The following MLLT3 variants were observed in gnomAD, a reference collection of about 807,000 sequenced individuals.
The protein encoded by MLLT3 is MLLT3 super elongation complex subunit.
Under a neutral mutation model 53.2 loss-of-function variants are expected in MLLT3, and 4 were observed. The observed-to-expected ratio is 0.08, with a 90% CI of 0.04 to 0.17. The LOEUF (loss-of-function observed/expected upper bound fraction) is 0.17, where lower values mean the gene tolerates loss of function less well. Among genes scored for constraint, MLLT3 ranks in the 10% least tolerant of loss-of-function variants. MLLT3 has a pLI of 1.00. For missense variants in MLLT3, 569 were observed against 684.0 expected, an observed-to-expected ratio of 0.83 and a Z score of 1.87; for synonymous variants, 283 against 230.6, an observed-to-expected ratio of 1.23 and a Z score of -2.06.
chr9:20,381,054 T>C (rs1308514424), intron 5 of MLLT3, among the ~76,000 whole-genome samples: 1 of 151,948 alleles, frequency 6.6e-6, no homozygotes, highest in Non-Finnish European at 1.5e-5. Flanking sequence ...ATACTAAATA[T>C]GACTCTTCCT....
intron 8 of MLLT3, among the ~76,000 whole-genome samples, chr9:20,357,333 G>GA (rs1445661160): frequency 6.6e-6 from 1 of 152,112 alleles, no homozygotes; most frequent in African/African-American, 2.4e-5. Flanking sequence ...GGTTTGGAGT[G>GA]AAAAAACCAT....
chr9:20,560,690 C>T (rs897369257), intron 2 of MLLT3, among the ~76,000 whole-genome samples: 3 of 152,110 alleles, frequency 2.0e-5, no homozygotes, highest in African/African-American at 7.2e-5. Context: ...GGGCGGGGAG[C>T]ATTGTGGGCT....
intron 2 of MLLT3, among the ~76,000 whole-genome samples, chr9:20,470,163 A>G (rs1257198098): frequency 6.6e-6 from 1 of 151,972 alleles, no homozygotes; most frequent in African/African-American, 2.4e-5. Flanking sequence ...AGATGAACAT[A>G]TACTTCTCAC....
intron 8 of MLLT3, 92 bp downstream of exon 8, chr9:20,360,650 T>A: frequency 9.2e-7 from 1 of 1,082,608 alleles, no homozygotes; most frequent in African/African-American, 1.6e-5. Context: ...GGAAGTTTGT[T>A]TAAAATTCAG....
At position 20,620,924 on chromosome 9, in the gene MLLT3, C is replaced by A. The variant is rs1437227491; in HGVS notation, c.13-90G>T. On this transcript the variant is annotated intron_variant, in intron 1 of 10. Transcript: ENST00000380338. This position sits in a 1 kb window ranked among gnomAD's most constrained non-coding sequence, Gnocchi z 6.1. ...TGCGCCTGACATTTTTTTCCTCCTT[C>A]TTGAAACGCACATAAAAGGAAACGG... The A allele has an allele frequency of 2.8e-6, 4 of 1,410,840 alleles. No homozygotes were observed. The African/African-American group carries it at 4.2e-5, about 15-fold the overall frequency. 87.4% of individuals were successfully genotyped at this position (1,410,840 alleles called of 1,614,324 possible). A position where few individuals can be genotyped will look rare whatever the true frequency, so the allele number is the denominator to read the frequency against.
At chr9:20,593,409 G>C (rs1820176218) in intron 2 of MLLT3, among the ~76,000 whole-genome samples, 1 of 152,178 alleles carries the variant, frequency 6.6e-6, no homozygotes, top group African/African-American at 2.4e-5. Flanking sequence ...AGTCTTATCT[G>C]AGATTCCTTA....
At chr9:20,521,975 G>A (rs1285276117) in intron 2 of MLLT3, among the ~76,000 whole-genome samples, 5 of 149,034 alleles carry the variant, frequency 3.4e-5, no homozygotes, top group East Asian at 2.0e-4. Flanking sequence ...GATATTAAAA[G>A]GGAAAATTAT....
chr9:20,565,319 A>G (rs953937308), intron 2 of MLLT3, among the ~76,000 whole-genome samples: 1 of 152,036 alleles, frequency 6.6e-6, no homozygotes, highest in African/African-American at 2.4e-5. Context: ...TGGGCTAAGG[A>G]GTTGGGAGGG....
Position 20,448,270 on chromosome 9 carries a change from G to A in MLLT3, c.277-4C>T. On this transcript the variant is annotated splice_polypyrimidine_tract_variant and splice_region_variant and intron_variant, in intron 3 of 10. Coordinates refer to ENST00000380338, the MANE Select transcript of MLLT3 (RefSeq NM_004529.4). This position sits in a 1 kb window ranked among gnomAD's most constrained non-coding sequence, Gnocchi z 4.0. ...AGCGGACTTTCCTAGGTTCTTCCTGGAGGTTAACAAAAATTATGAAAGAAA... is the reference window on the plus strand; with the variant it reads ...AGCGGACTTTCCTAGGTTCTTCCTGAAGGTTAACAAAAATTATGAAAGAAA... 6.2e-7 allele frequency: 1 copy of A among 1,608,610 alleles called. No homozygotes were observed.
rs559196310 is a variant in MLLT3, at chr9:20,418,159, T to G, written c.421-3734A>C. On this transcript the variant is annotated intron_variant, in intron 4 of 10. Transcript: ENST00000380338. The stretch of plus-strand genomic sequence containing the variant: ...TCAAACTGCATTTTTACAAGGACAC[T>G]TCCTAAAAATTGTAGTGTGGTCCAA... Among the ~76,000 whole-genome samples, 66 of 152,336 alleles carry G rather than the reference T, an allele frequency of 4.3e-4. 1 individual carries two copies. In the South Asian group the frequency reaches 0.013, roughly 31 times the overall value.
At chr9:20,488,817 G>C (rs915126373) in intron 2 of MLLT3, among the ~76,000 whole-genome samples, 1 of 152,164 alleles carries the variant, frequency 6.6e-6, no homozygotes, top group Non-Finnish European at 1.5e-5. Flanking sequence ...TTAAAGATCA[G>C]ATAAATGGTG....
At chr9:20,389,623 CA>C (rs1002962152) in intron 5 of MLLT3, among the ~76,000 whole-genome samples, 49 of 144,036 alleles carry the variant, frequency 3.4e-4, no homozygotes, top group Middle Eastern at 3.5e-3. Flanking sequence ...AAAATTAAAA[CA>C]AAAAAAAAAG....
intron 2 of MLLT3, among the ~76,000 whole-genome samples, chr9:20,618,039 C>T (rs1032633547): frequency 6.6e-5 from 10 of 152,290 alleles, no homozygotes; most frequent in East Asian, 3.9e-4. Context: ...CATCCTCAGT[C>T]CTAAGGCTCA....
chr9:20,464,046 A>G (rs1824175543), intron 2 of MLLT3, among the ~76,000 whole-genome samples: 1 of 152,058 alleles, frequency 6.6e-6, no homozygotes, highest in African/African-American at 2.4e-5. Context: ...ACTTCCTAAA[A>G]CAATCGCCTT....
At chr9:20,443,108 A>AGGAG (rs1256226031) in intron 4 of MLLT3, among the ~76,000 whole-genome samples, 1 of 151,874 alleles carries the variant, frequency 6.6e-6, no homozygotes, top group East Asian at 1.9e-4. Context: ...GAAGGAAGGA[A>AGGAG]GGAGGGAGGG....
intron 2 of MLLT3, among the ~76,000 whole-genome samples, chr9:20,590,733 C>T (rs189096574): frequency 5.7e-4 from 87 of 152,126 alleles, no homozygotes; most frequent in African/African-American, 2.0e-3. Flanking sequence ...AATACAATTG[C>T]CGTCTTCTTT....
chr9:20,609,235 A>G (rs1587128799), intron 2 of MLLT3, among the ~76,000 whole-genome samples: 1 of 151,882 alleles, frequency 6.6e-6, no homozygotes, highest in Admixed American at 6.6e-5. Context: ...CTTTGACCTA[A>G]AAGTTATACA....
intron 2 of MLLT3, among the ~76,000 whole-genome samples, chr9:20,580,694 T>C (rs1293568860): frequency 6.6e-6 from 1 of 152,182 alleles, no homozygotes; most frequent in Admixed American, 6.5e-5. Flanking sequence ...ATCAATGTTT[T>C]CTTCACACAC....
intron 2 of MLLT3, among the ~76,000 whole-genome samples, chr9:20,557,816 C>T (rs1448440105): frequency 6.6e-6 from 1 of 152,052 alleles, no homozygotes; most frequent in Non-Finnish European, 1.5e-5. Flanking sequence ...GCAAAAAGTA[C>T]CGGGAGAGGG....
Sources: allele counts gnomAD v4.1 joint callset (sites outside exome capture counted in the v4.1 genomes callset), GRCh38; gene constraint gnomAD v4.1.1; non-coding constraint Gnocchi (gnomAD v3.1); transcripts MANE v1.5; gene names NCBI Gene and HGNC (gene_info 2026-07-23, HGNC 2026-07-21).